LRRTM4: variants seen among roughly 807,000 people sequenced by gnomAD.
LRRTM4 encodes leucine-rich repeat transmembrane neuronal protein 4.
LRRTM4 carries 25 observed loss-of-function variants against 47.6 expected under a neutral mutation model. The observed-to-expected ratio is 0.53, with a 90% CI of 0.38 to 0.73. The LOEUF (loss-of-function observed/expected upper bound fraction) is 0.73, where lower values mean the gene tolerates loss of function less well. LRRTM4 is among the 30% of genes least tolerant of loss of function. The pLI, the probability that LRRTM4 is intolerant of heterozygous loss-of-function variation, is 0.00. For missense variants in LRRTM4, 638 were observed against 713.4 expected (o/e 0.89, Z 1.20); for synonymous variants, 311 against 269.5 (o/e 1.15, Z -1.51).
chr2:77,375,089 T>C (rs1672784837), intron 3 of LRRTM4, among the ~76,000 whole-genome samples: 1 of 151,784 alleles, frequency 6.6e-6, no homozygotes, highest in Non-Finnish European at 1.5e-5. Flanking sequence ...TCTTCTTTCT[T>C]GCCTTTTTTT....
At chr2:77,052,069 A>G (rs1388220255) in intron 3 of LRRTM4, among the ~76,000 whole-genome samples, 1 of 151,300 alleles carries the variant, frequency 6.6e-6, no homozygotes, top group Non-Finnish European at 1.5e-5. Flanking sequence ...TGACCATGAG[A>G]GGGATAAGTG....
intron 3 of LRRTM4, among the ~76,000 whole-genome samples, chr2:76,917,642 A>C (rs1205695786): frequency 6.6e-6 from 1 of 152,188 alleles, no homozygotes; most frequent in Admixed American, 6.5e-5. Flanking sequence ...TACTGCACAC[A>C]TGAAGGAGCT....
At chr2:77,092,183 T>C (rs1156393055) in intron 3 of LRRTM4, among the ~76,000 whole-genome samples, 1 of 152,182 alleles carries the variant, frequency 6.6e-6, no homozygotes, top group Non-Finnish European at 1.5e-5. Context: ...TACTCACTCT[T>C]TGTTAAGTCC....
chr2:77,497,702 T>G (rs1278864102), intron 3 of LRRTM4, among the ~76,000 whole-genome samples: 1 of 150,692 alleles, frequency 6.6e-6, no homozygotes, highest in African/African-American at 2.4e-5. Context: ...CATTATGTAA[T>G]TATAATATAT....
intron 3 of LRRTM4, among the ~76,000 whole-genome samples, chr2:77,413,022 T>A (rs1232959812): frequency 1.3e-5 from 2 of 152,164 alleles, no homozygotes; most frequent in African/African-American, 4.8e-5. Flanking sequence ...GAATACATTT[T>A]TGAAGTAGGA....
chr2:77,164,474 A>T (rs1672823806), intron 3 of LRRTM4, among the ~76,000 whole-genome samples: 2 of 152,212 alleles, frequency 1.3e-5, no homozygotes, highest in African/African-American at 4.8e-5. Flanking sequence ...AGACATCTAC[A>T]GAACTCTCCA....
chr2:77,158,750 C>T (rs1169349675), intron 3 of LRRTM4, among the ~76,000 whole-genome samples: 4 of 151,426 alleles, frequency 2.6e-5, no homozygotes, highest in Non-Finnish European at 5.9e-5. Flanking sequence ...AATTTTTTCT[C>T]CCTGCTTGTC....
rs376050382 is a variant in LRRTM4, at chr2:76,850,189, C to T, written c.1552-101273G>A. Among the ~76,000 whole-genome samples, 4 of 152,246 alleles carry T rather than the reference C, an allele frequency of 2.6e-5. No individual in the cohort carries two copies. In the East Asian group the frequency reaches 7.7e-4, roughly 29 times the overall value. ...TAGATTTTTGGTTTGTTTTTTTCTG[C>T]TGTCCATACGGTTTCTGCCCATCTG... On this transcript the variant is annotated intron_variant, in intron 3 of 3. Transcript: ENST00000409884.
intron 3 of LRRTM4, among the ~76,000 whole-genome samples, chr2:76,782,479 C>T (rs1674455190): frequency 6.6e-6 from 1 of 152,146 alleles, no homozygotes; most frequent in African/African-American, 2.4e-5. Context: ...ATTCACAACA[C>T]TTGAGCTCAC....
chr2:77,480,055 A>G (rs1677610593), intron 3 of LRRTM4, among the ~76,000 whole-genome samples: 1 of 152,168 alleles, frequency 6.6e-6, no homozygotes, highest in African/African-American at 2.4e-5. Context: ...AGGAAGGTGA[A>G]CTTCACAGAG....
intron 3 of LRRTM4, among the ~76,000 whole-genome samples, chr2:77,476,794 A>T (rs1677409941): frequency 6.6e-6 from 1 of 152,180 alleles, no homozygotes; most frequent in African/African-American, 2.4e-5. Context: ...CAAAAGTAGT[A>T]GTATTAGACT....
chr2:77,353,509 C>T lies in LRRTM4; in HGVS notation c.1551+164809G>A, dbSNP rs1161333665. ...GGCTTTCAGATGCTTTCCACTTTTT[C>T]TGTATTTCACATAAAACTGTAATGA... is the stretch of plus-strand genomic sequence containing the variant. On this transcript the variant is annotated intron_variant, in intron 3 of 3. Transcript: ENST00000409884. Among the ~76,000 whole-genome samples, 3 of 152,240 alleles carry T rather than the reference C, an allele frequency of 2.0e-5. No individual in the cohort carries two copies. The East Asian group carries it at 5.8e-4, about 29-fold the overall frequency.
chr2:77,276,882 G>C lies in LRRTM4; in HGVS notation c.1551+241436C>G, dbSNP rs370854490. ...GAGAGCTTCATCTGATAAATGTTAA[G>C]TGGGGAAATAATCAGGAAAAGAGGG... On this transcript the variant is annotated intron_variant, in intron 3 of 3. Transcript: ENST00000409884. Among the ~76,000 whole-genome samples the C allele has an allele frequency of 4.4e-3, 673 of 151,544 alleles. 5 individuals carry two copies. Among genetic ancestry groups the C allele is most frequent in the African/African-American group, 0.016 (644 of 41,386 alleles).
intron 3 of LRRTM4, among the ~76,000 whole-genome samples, chr2:77,098,090 G>A (rs1670859402): frequency 6.6e-6 from 1 of 151,944 alleles, no homozygotes; most frequent in Admixed American, 6.6e-5. Flanking sequence ...ACATAAAAAT[G>A]AAACTTATTA....
At chr2:76,867,798 T>G (rs145268558) in intron 3 of LRRTM4, among the ~76,000 whole-genome samples, 4 of 152,270 alleles carry the variant, frequency 2.6e-5, no homozygotes, top group African/African-American at 9.6e-5. Flanking sequence ...ATAGAATATA[T>G]TTTCTATCAG....
At chr2:77,045,297 T>C (rs73940248) in intron 3 of LRRTM4, among the ~76,000 whole-genome samples, 1,907 of 152,046 alleles carry the variant, frequency 0.013, 36 homozygotes, top group African/African-American at 0.037. Context: ...TATCACTCAG[T>C]TTCAACAGTT....
intron 3 of LRRTM4, among the ~76,000 whole-genome samples, chr2:76,803,620 A>G (rs1410886780): frequency 6.6e-6 from 1 of 152,172 alleles, no homozygotes; most frequent in African/African-American, 2.4e-5. Flanking sequence ...AAATAAAATC[A>G]GTGAAAAGCT....
intron 3 of LRRTM4, among the ~76,000 whole-genome samples, chr2:77,175,667 C>A (rs114435448): frequency 0.012 from 1,900 of 152,180 alleles, 40 homozygotes; most frequent in African/African-American, 0.044. Context: ...TACCATGGGC[C>A]CCCAGAGTTC....
At chr2:76,831,753 A>G (rs1671357665) in intron 3 of LRRTM4, among the ~76,000 whole-genome samples, 2 of 152,110 alleles carry the variant, frequency 1.3e-5, no homozygotes. Flanking sequence ...AACCCCTCTT[A>G]TGGGATCCTA....
Sources: allele counts gnomAD v4.1 joint callset (sites outside exome capture counted in the v4.1 genomes callset), GRCh38; gene constraint gnomAD v4.1.1; transcripts MANE v1.5; gene names NCBI Gene and HGNC (gene_info 2026-07-23, HGNC 2026-07-21).